Variants in TNNI3K observed in about 807,000 individuals in gnomAD.
The protein encoded by TNNI3K is serine/threonine-protein kinase TNNI3K.
In TNNI3K, 140 loss-of-function variants were observed where a neutral mutation model predicts 114.5. The ratio of observed to expected loss-of-function variants is 1.22; its 90% CI spans 1.07 to 1.41. The LOEUF (loss-of-function observed/expected upper bound fraction) is 1.41, where lower values mean the gene tolerates loss of function less well. Among genes scored for constraint, TNNI3K ranks in the 40% most tolerant of loss-of-function variants. TNNI3K has a pLI of 0.00. For missense variants in TNNI3K, 1,125 were observed against 1,007.6 expected (o/e 1.12, Z -1.58); for synonymous variants, 347 against 347.5 (o/e 1.00, Z 0.02).
chr1:74,433,668 C>T (rs191892019), intron 17 of TNNI3K, among the ~76,000 whole-genome samples: 1 of 152,032 alleles, frequency 6.6e-6, no homozygotes, highest in African/African-American at 2.4e-5. Context: ...GTCACTGCAT[C>T]CTTTGTTTTG....
At position 74,237,365 on chromosome 1, in the gene TNNI3K, A is replaced by G. The variant is rs45551639; in HGVS notation, c.149+1155A>G. On this transcript the variant is annotated intron_variant, in intron 2 of 24. Coordinates refer to ENST00000326637, the MANE Select transcript of TNNI3K (RefSeq NM_015978.3). ...TAGTACAGTAGAATTATAAATATGT[A>G]TTTGTTTTGTTGGAAAAGTATGAAT... Among the ~76,000 whole-genome samples, 1,455 of 152,106 alleles carry G rather than the reference A, an allele frequency of 9.6e-3. 23 individuals are homozygous for G. Among genetic ancestry groups the G allele is most frequent in the African/African-American group, 0.033 (1,387 of 41,542 alleles).
intron 21 of TNNI3K, among the ~76,000 whole-genome samples, chr1:74,467,558 G>C (rs1342353633): frequency 1.3e-5 from 2 of 151,600 alleles, no homozygotes; most frequent in South Asian, 2.1e-4. Context: ...AAATTTGGAC[G>C]TGAAATTATG....
chr1:74,299,986 A>G (rs1317117682), intron 5 of TNNI3K, among the ~76,000 whole-genome samples: 1 of 152,170 alleles, frequency 6.6e-6, no homozygotes, highest in Non-Finnish European at 1.5e-5. Flanking sequence ...GTTCATATTC[A>G]AGAAGTTTTC....
chr1:74,522,646 G>A (rs2100417471), intron 23 of TNNI3K, among the ~76,000 whole-genome samples: 1 of 151,208 alleles, frequency 6.6e-6, no homozygotes, highest in East Asian at 1.9e-4. Flanking sequence ...ATGTGTGTGT[G>A]TGTGTGAGAG....
chr1:74,531,461 AG>A (rs1396287333), intron 23 of TNNI3K, among the ~76,000 whole-genome samples: 1 of 152,152 alleles, frequency 6.6e-6, no homozygotes, highest in East Asian at 1.9e-4. Flanking sequence ...GCCAGAGGAA[AG>A]GTGGGCTAAG....
At chr1:74,421,582 A>C (rs1665398207) in intron 17 of TNNI3K, among the ~76,000 whole-genome samples, 1 of 152,142 alleles carries the variant, frequency 6.6e-6, no homozygotes, top group African/African-American at 2.4e-5. Context: ...TCTACACTAT[A>C]ATATGAATTA....
intron 5 of TNNI3K, among the ~76,000 whole-genome samples, chr1:74,306,648 C>T (rs1930587): frequency 0.83 from 126,230 of 152,178 alleles, 52,448 homozygotes; most frequent in Middle Eastern, 0.93. Context: ...GGCATTTTTT[C>T]ATGTTTCTTG....
At chr1:74,411,474 TAAC>T (rs1032594637) in intron 17 of TNNI3K, among the ~76,000 whole-genome samples, 2 of 152,116 alleles carry the variant, frequency 1.3e-5, no homozygotes, top group Admixed American at 6.5e-5. Flanking sequence ...GTCAAATAGG[TAAC>T]AAACTATTTG....
At chr1:74,408,463 A>T (rs528613740) in intron 17 of TNNI3K, among the ~76,000 whole-genome samples, 1 of 152,210 alleles carries the variant, frequency 6.6e-6, no homozygotes, top group East Asian at 1.9e-4. Context: ...ACATTGCCCA[A>T]TGTATAACAG....
At position 74,354,030 on chromosome 1, in the gene TNNI3K, C is replaced by A; in HGVS notation, c.1078C>A (p.Leu360Met). Residue 360 changes from leucine (L) to methionine (M), a missense_variant, in exon 11 of 25, where the codon CTG becomes ATG. By Grantham distance (15) the Leu-to-Met change is conservative. Transcript: ENST00000326637. ...HGHIRLVQFL[L>M]DNGADMNLVA... ...TCACATTCGCCTGGTTCAGTTCTTA[C>A]TGGATAATGGAGCTGATATGAATCT... 1 of 1,614,024 alleles carries A rather than the reference C, an allele frequency of 6.2e-7. No individual in the cohort carries two copies. The highest frequency in any genetic ancestry group is 8.5e-7 in the Non-Finnish European group (1 of 1,179,980).
intron 20 of TNNI3K, 129 bp downstream of exon 20, chr1:74,439,751 T>A: frequency 3.5e-6 from 5 of 1,416,104 alleles, no homozygotes; most frequent in Non-Finnish European, 4.7e-6. Context: ...AAGCAAACAA[T>A]CTTAAATTGT....
At chr1:74,289,163 A>G (rs1185238202) in intron 5 of TNNI3K, among the ~76,000 whole-genome samples, 1 of 152,030 alleles carries the variant, frequency 6.6e-6, no homozygotes, top group African/African-American at 2.4e-5. Context: ...TTTGGGAAAT[A>G]ATAATGGAAG....
At chr1:74,324,260 C>T (rs1659778665) in intron 5 of TNNI3K, among the ~76,000 whole-genome samples, 1 of 152,152 alleles carries the variant, frequency 6.6e-6, no homozygotes, top group African/African-American at 2.4e-5. Context: ...CCAGTATTTT[C>T]CTACAAGGAG....
At chr1:74,262,452 TTA>T (rs1293633544) in intron 4 of TNNI3K, among the ~76,000 whole-genome samples, 2 of 152,076 alleles carry the variant, frequency 1.3e-5, no homozygotes, top group Non-Finnish European at 2.9e-5. Context: ...TTAATTACCT[TTA>T]TATTTGAACA....
At chr1:74,377,061 T>A (rs1662944766) in intron 17 of TNNI3K, 1 of 152,046 alleles carries the variant, frequency 6.6e-6, no homozygotes, top group Non-Finnish European at 1.5e-5. Flanking sequence ...ACGTATCATA[T>A]TTGGAGAGAG....
chr1:74,305,379 A>G (rs1658561858), intron 5 of TNNI3K, among the ~76,000 whole-genome samples: 1 of 152,226 alleles, frequency 6.6e-6, no homozygotes, highest in Non-Finnish European at 1.5e-5. Context: ...AAGAAAAATA[A>G]GGAACCAGTA....
intron 23 of TNNI3K, among the ~76,000 whole-genome samples, chr1:74,494,431 G>T (rs947847920): frequency 2.0e-5 from 3 of 152,136 alleles, no homozygotes; most frequent in Admixed American, 1.3e-4. Context: ...TAGTAGGTTT[G>T]ATTGATAACC....
intron 24 of TNNI3K, among the ~76,000 whole-genome samples, chr1:74,542,969 C>A (rs1646743417): frequency 6.6e-6 from 1 of 151,564 alleles, no homozygotes; most frequent in Admixed American, 6.6e-5. Flanking sequence ...TTTTATGTAC[C>A]TTTAAAATTT....
chr1:74,533,017 T>G (rs894777950), intron 23 of TNNI3K, among the ~76,000 whole-genome samples: 1 of 152,172 alleles, frequency 6.6e-6, no homozygotes, highest in African/African-American at 2.4e-5. Context: ...AAGGACTTCA[T>G]GTCCAAAACA....
Sources: gnomAD v4.1 joint callset for allele counts (sites outside exome capture counted in the v4.1 genomes callset) on GRCh38, gnomAD v4.1.1 for gene constraint, MANE v1.5 for transcripts, NCBI Gene and HGNC (gene_info 2026-07-23, HGNC 2026-07-21) for gene names.